Variants in AVEN observed in about 807,000 individuals in gnomAD.
The protein encoded by AVEN is apoptosis and caspase activation inhibitor, also known as cell death regulator Aven.
Under a neutral mutation model 38.1 loss-of-function variants are expected in AVEN, and 41 were observed. The ratio of observed to expected loss-of-function variants is 1.08; its 90% CI spans 0.84 to 1.40. The LOEUF is 1.40. Ranked by LOEUF, AVEN falls within the 40% of genes most tolerant of loss-of-function variation. The pLI is 0.00. For missense variants in AVEN, 605 were observed against 438.8 expected, an observed-to-expected ratio of 1.38 and a Z score of -3.38; for synonymous variants, 206 against 171.8, an observed-to-expected ratio of 1.20 and a Z score of -1.56.
chr15:33,913,840 G>A (rs899215640), intron 2 of AVEN, among the ~76,000 whole-genome samples: 3 of 152,098 alleles, frequency 2.0e-5, no homozygotes. Context: ...CTTATTCTTG[G>A]TTAAGGATAT....
Position 33,866,598 on chromosome 15 carries a change from CT to C in AVEN, c.*14del, listed in dbSNP as rs771369535. On this transcript the variant is annotated 3_prime_UTR_variant, in exon 6 of 6. Transcript: ENST00000306730. ...AGGCAACCAAGATTTGCTTCAGGCA[CT>C]TTTTTTCCCCTTTTTAGGAAATCAT... 1.3e-5 allele frequency: 21 copies of C among 1,605,408 alleles called. No homozygotes were observed. Among genetic ancestry groups the C allele is most frequent in the Middle Eastern group, 1.7e-4 (1 of 6,060 alleles).
At chr15:34,048,585 G>T (rs557027928) in intron 5 of AVEN, among the ~76,000 whole-genome samples, 3 of 152,014 alleles carry the variant, frequency 2.0e-5, no homozygotes, top group African/African-American at 7.2e-5. Context: ...AGGGGCAGCC[G>T]CCATCTCTAC....
At chr15:33,975,747 T>C (rs1328219993) in intron 2 of AVEN, among the ~76,000 whole-genome samples, 1 of 152,106 alleles carries the variant, frequency 6.6e-6, no homozygotes, top group East Asian at 1.9e-4. Context: ...CTGACCAACA[T>C]GGTGAAATCC....
At chr15:33,852,721 T>G in the AVEN span, among the ~76,000 whole-genome samples, 28 of 152,330 alleles carry the variant, frequency 1.8e-4, no homozygotes, top group African/African-American at 6.7e-4. Context: ...CTGGTTATAC[T>G]GGGATTAGGG....
chr15:34,034,677 A>C lies in AVEN; in HGVS notation c.267+4103T>G, dbSNP rs77098987. On this transcript the variant is annotated intron_variant, in intron 1 of 5. Transcript: ENST00000306730. ...TCTGTGTTGATATTGAAAATATGTA[A>C]GTGAAATAGTGGTCAGTGAGAAAAG... 9.8e-3 allele frequency among the ~76,000 whole-genome samples: 1,490 copies of C among 152,270 alleles called. 34 individuals carry two copies. Among genetic ancestry groups the C allele is most frequent in the African/African-American group, 0.034 (1,427 of 41,544 alleles).
At position 33,859,662 on chromosome 15, in the gene AVEN, A is replaced by G. The variant is rs1361004094; in HGVS notation, n.2730-568T>C. On this transcript the variant is annotated intron_variant and non_coding_transcript_variant, in intron 11 of 11. Transcript: ENST00000675287. ...AGACCCTGCTGGTGATCCTTATGAAATGTATCGCATTGTCTTTGACATTAC... is the reference window on the plus strand; with the variant it reads ...AGACCCTGCTGGTGATCCTTATGAAGTGTATCGCATTGTCTTTGACATTAC... 2.1e-5 allele frequency: 34 copies of G among 1,613,970 alleles called. No homozygotes were observed. Among genetic ancestry groups the G allele is most frequent in the Non-Finnish European group, 2.8e-5 (33 of 1,179,872 alleles).
chr15:34,022,802 T>C (rs1286871878), intron 1 of AVEN, among the ~76,000 whole-genome samples: 2 of 152,218 alleles, frequency 1.3e-5, no homozygotes, highest in African/African-American at 4.8e-5. Context: ...ACCTTCTGGC[T>C]GGAAGGATGA....
chr15:34,048,022 CGTGTGTGTGTGTGTTTGT>C (rs57229298), intron 5 of AVEN, among the ~76,000 whole-genome samples: 20,394 of 151,418 alleles, frequency 0.13, 2,341 homozygotes, highest in East Asian at 0.35. Context: ...ACGTCCAGCT[CGTGTGTGTGTGTGTTTGT>C]GTGTGTGTGT....
chr15:34,010,608 T>C (rs1465139787), intron 1 of AVEN, among the ~76,000 whole-genome samples: 1 of 152,168 alleles, frequency 6.6e-6, no homozygotes, highest in Non-Finnish European at 1.5e-5. Flanking sequence ...CCACCTCCTA[T>C]GTTCCTCACA....
chr15:34,062,915 C>A, intron 5 of AVEN: 1 of 1,614,234 alleles, frequency 6.2e-7, no homozygotes, highest in Non-Finnish European at 8.5e-7. Flanking sequence ...CAGTTAACAA[C>A]TATTACCTGC....
At chr15:33,864,866 G>C (rs1045773485), downstream of AVEN, 4 of 416,924 alleles carry the variant, frequency 9.6e-6, no homozygotes, top group African/African-American at 4.0e-5. Context: ...AGTATGTTTA[G>C]TGGCAAACAT....
At chr15:33,966,664 T>C (rs62014558) in intron 2 of AVEN, among the ~76,000 whole-genome samples, 1 of 151,900 alleles carries the variant, frequency 6.6e-6, no homozygotes, top group Non-Finnish European at 1.5e-5. Flanking sequence ...AAAGATGAGA[T>C]AAGAGTGAGA....
chr15:33,875,569 G>C (rs1259884924), intron 3 of AVEN, among the ~76,000 whole-genome samples: 1 of 152,164 alleles, frequency 6.6e-6, no homozygotes, highest in Admixed American at 6.5e-5. Context: ...AAAACAGTGA[G>C]AGACAGAAAA....
At chr15:34,035,603 G>T (rs529303525) in intron 1 of AVEN, among the ~76,000 whole-genome samples, 2 of 152,190 alleles carry the variant, frequency 1.3e-5, no homozygotes, top group Non-Finnish European at 2.9e-5. Context: ...CGGTGCCTCA[G>T]CTGTCTCATC....
At chr15:33,930,859 G>A (rs1437680362) in intron 2 of AVEN, among the ~76,000 whole-genome samples, 1 of 151,662 alleles carries the variant, frequency 6.6e-6, no homozygotes, top group Non-Finnish European at 1.5e-5. Context: ...GGAGGCTGAG[G>A]CAGGAGAGTG....
intron 1 of AVEN, among the ~76,000 whole-genome samples, chr15:34,073,983 C>CTTTTTTTTTTTTTTTTTTT (rs1567498505): frequency 1.4e-4 from 3 of 20,816 alleles, no homozygotes; most frequent in African/African-American, 3.6e-4. Context: ...CTTTTTTCTT[C>CTTTTTTTTTTTTTTTTTTT]TTCTTCTTTT....
At chr15:33,868,682 AAAG>A (rs1890806474) in intron 4 of AVEN, among the ~76,000 whole-genome samples, 1 of 152,196 alleles carries the variant, frequency 6.6e-6, no homozygotes, top group Non-Finnish European at 1.5e-5. Context: ...GCCAGACACA[AAAG>A]AAAATACACT....
At chr15:34,009,923 C>T (rs971906921) in intron 1 of AVEN, among the ~76,000 whole-genome samples, 2 of 152,082 alleles carry the variant, frequency 1.3e-5, no homozygotes, top group Non-Finnish European at 2.9e-5. Context: ...GATCATGACA[C>T]TGTACTCCAG....
chr15:33,944,163 G>A (rs1266945890), intron 2 of AVEN, among the ~76,000 whole-genome samples: 2 of 152,164 alleles, frequency 1.3e-5, no homozygotes, highest in African/African-American at 4.8e-5. Context: ...AGACCCACAC[G>A]AGTCTGAATG....
Sources: gnomAD v4.1 joint callset for allele counts (sites outside exome capture counted in the v4.1 genomes callset) on GRCh38, gnomAD v4.1.1 for gene constraint, MANE v1.5 for transcripts, NCBI Gene and HGNC (gene_info 2026-07-23, HGNC 2026-07-21) for gene names.